Variants in PRH1 observed in about 807,000 individuals in gnomAD.
PRH1 encodes the protein salivary acidic proline-rich phosphoprotein 1/2.
PRH1 carries 7 observed loss-of-function variants against 7.9 expected under a neutral mutation model. The ratio of observed to expected loss-of-function variants is 0.89; its 90% confidence interval spans 0.50 to 1.67. The LOEUF (loss-of-function observed/expected upper bound fraction) is 1.67. Ranked by LOEUF, PRH1 falls within the 40% of genes most tolerant of loss-of-function variation. PRH1 has a pLI of 0.00. For missense variants in PRH1, 109 were observed against 223.6 expected (o/e 0.49, Z 3.27); for synonymous variants, 45 against 80.8 (o/e 0.56, Z 2.38).
chr12:11,059,926 T>G (rs563333836), intron 1 of PRH1, among the ~76,000 whole-genome samples: 141 of 152,280 alleles, frequency 9.3e-4, no homozygotes, highest in Admixed American at 3.1e-3. Context: ...TTCTAGGTCC[T>G]GGGAGTCAAC....
At chr12:10,978,078 T>TAA (rs34256878) in intron 1 of PRH1, among the ~76,000 whole-genome samples, 62,003 of 130,686 alleles carry the variant, frequency 0.47, 13,727 homozygotes, top group Non-Finnish European at 0.54. Context: ...TCATATGGAA[T>TAA]AAAAAAAAAA....
chr12:10,984,518 T>G lies in PRH1; in HGVS notation c.-125-10797A>C, dbSNP rs931014794. ...ACCAATTTACTTGTTCATCAAAATA[T>G]TCTTAAATACCTATTCTATGTGTTG... On this transcript the variant is annotated intron_variant, in intron 1 of 3. Coordinates refer to the PRH1 transcript ENST00000539853. 7.9e-4 allele frequency among the ~76,000 whole-genome samples: 120 copies of G among 152,138 alleles called. 1 individual carries two copies. Among genetic ancestry groups the G allele is most frequent in the African/African-American group, 2.7e-3 (111 of 41,426 alleles).
intron 1 of PRH1, among the ~76,000 whole-genome samples, chr12:11,139,172 G>T (rs143049016): frequency 2.0e-5 from 3 of 152,308 alleles, no homozygotes; most frequent in Non-Finnish European, 4.4e-5. Flanking sequence ...TTTATACGTA[G>T]AAATGTACTT....
chr12:10,983,820 A>G (rs1939478050), intron 1 of PRH1, among the ~76,000 whole-genome samples: 1 of 152,038 alleles, frequency 6.6e-6, no homozygotes, highest in Non-Finnish European at 1.5e-5. Context: ...ATCACAAGAC[A>G]TGGTTTCACA....
At chr12:10,946,499 C>G (rs1950489446) in intron 2 of PRH1, among the ~76,000 whole-genome samples, 2 of 152,100 alleles carry the variant, frequency 1.3e-5, no homozygotes, top group African/African-American at 4.8e-5. Flanking sequence ...TCCTTTAAAT[C>G]ATTTCTAATT....
intron 1 of PRH1, chr12:10,996,982 A>G: frequency 6.2e-7 from 1 of 1,613,516 alleles, no homozygotes; most frequent in Non-Finnish European, 8.5e-7. Flanking sequence ...TTGCCCAGCA[A>G]GTCACCTGCC....
intron 1 of PRH1, among the ~76,000 whole-genome samples, chr12:11,023,652 T>C (rs532276920): frequency 9.2e-5 from 14 of 152,344 alleles, no homozygotes; most frequent in Admixed American, 5.9e-4. Context: ...TGAAGTTTCC[T>C]GCTCTTTTCC....
rs1591667301 is a variant in PRH1 at position 10,908,533 on chromosome 12, G to A, written c.-58-24258C>T. 3 of 1,613,868 alleles carry A rather than the reference G, an allele frequency of 1.9e-6. No homozygotes were observed. In the South Asian group the frequency reaches 3.3e-5, roughly 18 times the overall value. On this transcript the variant is annotated intron_variant, in intron 2 of 3. Coordinates refer to the PRH1 transcript ENST00000539853. ...ATGTAGATCACTGTGTTCTGATACAGCTCAGAAATCCATGATATGAGAACA... is the reference window on the plus strand; with the variant it reads ...ATGTAGATCACTGTGTTCTGATACAACTCAGAAATCCATGATATGAGAACA...
At chr12:10,885,832 A>G (rs1169961939), upstream of PRH1, among the ~76,000 whole-genome samples, 2 of 152,216 alleles carry the variant, frequency 1.3e-5, no homozygotes, top group East Asian at 1.9e-4. Flanking sequence ...AGAAAATCAT[A>G]AAGACAAGGC....
chr12:11,119,332 A>G (rs887841401), downstream of PRH1, among the ~76,000 whole-genome samples: 10 of 151,580 alleles, frequency 6.6e-5, no homozygotes, highest in African/African-American at 2.4e-4. Context: ...AAAAAAATAG[A>G]AAGAGTGAAT....
At chr12:11,069,414 T>C (rs1304329371) in intron 1 of PRH1, among the ~76,000 whole-genome samples, 4 of 136,486 alleles carry the variant, frequency 2.9e-5, no homozygotes, top group South Asian at 2.2e-4. Context: ...ATTGCAGAGA[T>C]TGTAGAATTG....
intron 1 of PRH1, among the ~76,000 whole-genome samples, chr12:11,101,945 T>C (rs896091725): frequency 3.3e-5 from 5 of 152,076 alleles, no homozygotes; most frequent in Admixed American, 1.3e-4. Flanking sequence ...CCATTCACAA[T>C]TGCTTCAAAG....
chr12:11,001,639 G>A (rs993296918), intron 1 of PRH1, among the ~76,000 whole-genome samples: 2 of 152,102 alleles, frequency 1.3e-5, no homozygotes, highest in African/African-American at 4.8e-5. Context: ...CAGGTTAATG[G>A]AGCACCTAGG....
chr12:11,132,230 G>A (rs576606868), intron 1 of PRH1, among the ~76,000 whole-genome samples: 21 of 110,442 alleles, frequency 1.9e-4, no homozygotes, highest in African/African-American at 6.3e-4. Context: ...ATTACACTAG[G>A]ACAAATCCCA....
upstream of PRH1, among the ~76,000 whole-genome samples, chr12:11,050,968 G>A (rs1202188282): frequency 6.6e-6 from 1 of 152,286 alleles, no homozygotes; most frequent in Non-Finnish European, 1.5e-5. Context: ...GTAGCTTCAA[G>A]ATGCAGAATG....
intron 2 of PRH1, among the ~76,000 whole-genome samples, chr12:10,944,099 T>C (rs1406021767): frequency 6.6e-6 from 1 of 152,176 alleles, no homozygotes; most frequent in African/African-American, 2.4e-5. Flanking sequence ...AAAATAAATT[T>C]TTCCAGTTCT....
At chr12:11,044,499 G>C (rs932914798) in intron 1 of PRH1, among the ~76,000 whole-genome samples, 2 of 151,834 alleles carry the variant, frequency 1.3e-5, no homozygotes, top group African/African-American at 4.8e-5. Flanking sequence ...ACAAAGTAAA[G>C]AGACAACCCA....
chr12:11,038,247 A>C (rs1218192089), intron 1 of PRH1, among the ~76,000 whole-genome samples: 1 of 152,254 alleles, frequency 6.6e-6, no homozygotes, highest in East Asian at 1.9e-4. Context: ...CATAGAGAGT[A>C]ATAACACAAC....
chr12:10,990,137 C>T (rs369897589), intron 1 of PRH1, among the ~76,000 whole-genome samples: 3 of 151,890 alleles, frequency 2.0e-5, no homozygotes, highest in Non-Finnish European at 2.9e-5. Context: ...CATAGAGCAG[C>T]GAAATAGAAT....
Sources: gnomAD v4.1 joint callset for allele counts (sites outside exome capture counted in the v4.1 genomes callset) on GRCh38, gnomAD v4.1.1 for gene constraint, MANE v1.5 for transcripts, NCBI Gene and HGNC (gene_info 2026-07-23, HGNC 2026-07-21) for gene names.